C10orf88: variants seen among roughly 807,000 people sequenced by gnomAD.
C10orf88 encodes the protein ATPase PAAT.
Under a neutral mutation model 34.2 loss-of-function variants are expected in C10orf88, and 29 were observed. The ratio of observed to expected loss-of-function variants is 0.85; its 90% CI spans 0.63 to 1.16. The LOEUF (loss-of-function observed/expected upper bound fraction) is 1.16, where lower values mean the gene tolerates loss of function less well. C10orf88 is among the 50% of genes most tolerant of loss of function. The probability of loss-of-function intolerance (pLI) is 0.00; values close to 1 mark genes in which losing one functional copy is unlikely to be tolerated. For synonymous variants in C10orf88, 194 were observed against 197.4 expected, an observed-to-expected ratio of 0.98 and a Z score of 0.15; for missense variants, 507 against 533.2, an observed-to-expected ratio of 0.95 and a Z score of 0.48.
chr10:122,932,441 T>C lies in C10orf88; in HGVS notation c.1324A>G (p.Asn442Asp). The C allele has an allele frequency of 6.2e-7, 1 of 1,611,506 alleles. No individual in the cohort carries two copies. Among genetic ancestry groups the C allele is most frequent in the Non-Finnish European group, 8.5e-7 (1 of 1,177,976 alleles). Residue 442 changes from asparagine (N) to aspartate (D), a missense_variant, in exon 6 of 6, where the codon AAT becomes GAT. By Grantham distance (23) the Asn-to-Asp change is conservative. Coordinates refer to ENST00000481909, the MANE Select transcript of C10orf88 (RefSeq NM_024942.4). Reference protein sequence around the residue: ...RHYDSGERLSNGER With the variant: ...RHYDSGERLSDGER ...ATGTTGAGAGCTTATCTTTCTCCAT[T>C]TGAAAGTCTTTCTCCAGAGTCATAA...
chr10:122,935,091 T>C (rs1384432354), intron 5 of C10orf88, among the ~76,000 whole-genome samples: 1 of 152,062 alleles, frequency 6.6e-6, no homozygotes, highest in African/African-American at 2.4e-5. Context: ...ATTTGTAATT[T>C]GCAAAGAATT....
intron 4 of C10orf88, among the ~76,000 whole-genome samples, chr10:122,942,388 C>T (rs1021274619): frequency 2.0e-5 from 3 of 152,106 alleles, no homozygotes; most frequent in Non-Finnish European, 4.4e-5. Context: ...ATAATAAGAG[C>T]TATCTATGAC....
Position 122,953,271 on chromosome 10 carries a change from GTT to G in C10orf88, c.165-241_165-240del, listed in dbSNP as rs760768655. 8.3e-4 allele frequency among the ~76,000 whole-genome samples: 127 copies of G among 152,258 alleles called. 2 individuals are homozygous for G. Among genetic ancestry groups the G allele is most frequent in the African/African-American group, 2.9e-3 (121 of 41,574 alleles). On this transcript the variant is annotated intron_variant, in intron 1 of 5. Transcript: ENST00000481909. ...TTTTTGTATTTTTCGTAGAGACGGG[GTT>G]TCGCCGTGTTAGCCAGGATGGTCTT...
Position 122,931,505 on chromosome 10 carries a change from T to C in C10orf88, c.*922A>G, listed in dbSNP as rs1848484529. Reference sequence around the variant, plus strand: ...AACAGTTCTACTAACTAAAGACAAGTAGTTCCCAGAGCAGGTGCATTTATT... The same window carrying C: ...AACAGTTCTACTAACTAAAGACAAGCAGTTCCCAGAGCAGGTGCATTTATT... On this transcript the variant is annotated 3_prime_UTR_variant, in exon 6 of 6. Coordinates refer to ENST00000481909, the MANE Select transcript of C10orf88 (RefSeq NM_024942.4). The C allele has an allele frequency of 1.3e-5, 2 of 152,184 alleles. No individual in the cohort carries two copies. Among genetic ancestry groups the C allele is most frequent in the Admixed American group, 1.3e-4 (2 of 15,274 alleles). 9.4% of individuals were successfully genotyped at this position (152,184 alleles called of 1,614,324 possible). A position where few individuals can be genotyped will look rare whatever the true frequency, so the allele number is the denominator to read the frequency against.
intron 3 of C10orf88, 72 bp downstream of exon 3, chr10:122,951,882 C>CA (rs1480472037): frequency 8.4e-6 from 8 of 947,194 alleles, no homozygotes; most frequent in Non-Finnish European, 1.3e-5. Context: ...ATTACTAATC[C>CA]AAAAGAAAAC....
intron 4 of C10orf88, among the ~76,000 whole-genome samples, chr10:122,947,455 G>T (rs1848650413): frequency 6.6e-6 from 1 of 152,162 alleles, no homozygotes; most frequent in Non-Finnish European, 1.5e-5. Context: ...GAACTAAGAA[G>T]AGGCAGGACA....
chr10:122,951,905 A>G, intron 3 of C10orf88, 49 bp downstream of exon 3: 1 of 1,128,384 alleles, frequency 8.9e-7, no homozygotes, highest in Non-Finnish European at 1.3e-6. Context: ...GCATACACAG[A>G]GTACAAAAAC....
chr10:122,932,339 A>AAT lies in C10orf88; in HGVS notation c.*86_*87dup, dbSNP rs1439176245. 1 of 1,140,918 alleles carries AAT rather than the reference A, an allele frequency of 8.8e-7. No individual in the cohort carries two copies. The highest frequency in any genetic ancestry group is 1.6e-5 in the African/African-American group (1 of 63,380). The allele number at this position is 1,140,918 out of a possible 1,614,324, so 70.7% of individuals were successfully genotyped here. A position where few individuals can be genotyped will look rare whatever the true frequency, so the allele number is the denominator to read the frequency against. ...GACAATGATCCCTCAAAGGACATTAAATACTTGCTTTTTATAAATATTTTT... is the reference window on the plus strand; with the variant it reads ...GACAATGATCCCTCAAAGGACATTAAATATACTTGCTTTTTATAAATATTTTT... On this transcript the variant is annotated 3_prime_UTR_variant, in exon 6 of 6. Coordinates refer to ENST00000481909, the MANE Select transcript of C10orf88 (RefSeq NM_024942.4).
Position 122,945,609 on chromosome 10 carries a change from T to C in C10orf88, c.648+3040A>G, listed in dbSNP as rs116097831. Among the ~76,000 whole-genome samples the C allele has an allele frequency of 2.9e-3, 440 of 152,118 alleles. 2 individuals carry two copies. The highest frequency in any genetic ancestry group is 0.01 in the African/African-American group (419 of 41,490). ...CCCTCTGTAGGCCTAGGGTAATGTG[T>C]ATGTTTGTGTCTTTGTTTTAAGCAA... On this transcript the variant is annotated intron_variant, in intron 4 of 5. Transcript: ENST00000481909.
chr10:122,954,175 C>G lies in C10orf88; in HGVS notation c.4G>C (p.Glu2Gln), dbSNP rs760462144. 1 of 1,565,754 alleles carries G rather than the reference C, an allele frequency of 6.4e-7. No homozygotes were observed. The highest frequency in any genetic ancestry group is 8.6e-7 in the Non-Finnish European group (1 of 1,162,640). The stretch of plus-strand genomic sequence containing the variant: ...AGGCCCCCGTCCTCGGTCCGCGTCT[C>G]CATTCCGCCGCCTTCAGTCAGGCCA... M[E>Q]TRTEDGGLTR... The change falls in exon 1 of 6, where the codon GAG becomes CAG. Residue 2 changes from glutamate to glutamine, a missense_variant. Glu to Gln is a conservative substitution (Grantham distance 29). Transcript: ENST00000481909.
rs1020754598 is a variant in C10orf88 at position 122,953,912 on chromosome 10, C to T, written c.164+103G>A. On this transcript the variant is annotated intron_variant, in intron 1 of 5. Transcript: ENST00000481909. ...AACTAGAGACCTGGTACCAACTGCT[C>T]TCCCGGATCCCGGGCTCAGACCCTC... 3.1e-5 allele frequency: 35 copies of T among 1,122,756 alleles called. No individual in the cohort carries two copies. In the African/African-American group the frequency reaches 4.1e-4, roughly 13 times the overall value. The allele number at this position is 1,122,756 out of a possible 1,614,324, so 69.5% of individuals were successfully genotyped here. A position where few individuals can be genotyped will look rare whatever the true frequency, so the allele number is the denominator to read the frequency against.
chr10:122,944,266 C>A (rs1335963775), intron 4 of C10orf88, among the ~76,000 whole-genome samples: 3 of 151,114 alleles, frequency 2.0e-5, no homozygotes, highest in Non-Finnish European at 2.9e-5. Context: ...TCAGTAAACT[C>A]TCACAAGAAC....
intron 4 of C10orf88, among the ~76,000 whole-genome samples, chr10:122,948,418 T>C (rs1310319222): frequency 2.0e-5 from 3 of 152,160 alleles, no homozygotes; most frequent in Non-Finnish European, 2.9e-5. Flanking sequence ...CCTTGTTTAC[T>C]GCAAGAAAAA....
chr10:122,948,068 T>C (rs1309349276), intron 4 of C10orf88, among the ~76,000 whole-genome samples: 1 of 152,180 alleles, frequency 6.6e-6, no homozygotes, highest in Non-Finnish European at 1.5e-5. Context: ...TAAACCAGCA[T>C]CCCAAGCTGT....
rs776572092 is a variant in C10orf88, at chr10:122,948,622, T to C, written c.648+27A>G. The C allele has an allele frequency of 1.3e-5, 20 of 1,598,372 alleles. No individual in the cohort carries two copies. In the Middle Eastern group the frequency reaches 8.3e-4, roughly 67 times the overall value. ...AATGGTTTTGAAATCATTAATGTTA[T>C]CTGGAAAGAAATCCATTTCTACTTA... On this transcript the variant is annotated intron_variant, in intron 4 of 5. Coordinates refer to ENST00000481909, the MANE Select transcript of C10orf88 (RefSeq NM_024942.4).
chr10:122,946,032 G>A (rs1440802864), intron 4 of C10orf88, among the ~76,000 whole-genome samples: 1 of 151,978 alleles, frequency 6.6e-6, no homozygotes, highest in African/African-American at 2.4e-5. Context: ...GGAGGCAGAG[G>A]TTGCAGTGAG....
intron 4 of C10orf88, among the ~76,000 whole-genome samples, chr10:122,944,274 A>T (rs1336051450): frequency 3.3e-5 from 5 of 151,080 alleles, no homozygotes; most frequent in Non-Finnish European, 7.4e-5. Context: ...CTCTCACAAG[A>T]ACAAAAAACC....
At chr10:122,950,557 T>C (rs1266338006) in intron 3 of C10orf88, among the ~76,000 whole-genome samples, 1 of 43,740 alleles carries the variant, frequency 2.3e-5, no homozygotes, top group African/African-American at 7.2e-5. Flanking sequence ...GGAAACACTC[T>C]TATTAACCTC....
At chr10:122,938,189 A>G in intron 4 of C10orf88, 30 bp from the exon 5 acceptor site, 2 of 1,519,082 alleles carry the variant, frequency 1.3e-6, no homozygotes, top group Non-Finnish European at 1.8e-6. Flanking sequence ...AAATGTTAAT[A>G]TTAATAACAC....
Sources: gnomAD v4.1 joint callset for allele counts (sites outside exome capture counted in the v4.1 genomes callset) on GRCh38, gnomAD v4.1.1 for gene constraint, MANE v1.5 for transcripts, NCBI Gene and HGNC (gene_info 2026-07-23, HGNC 2026-07-21) for gene names.